Variants in DNAH14 observed in about 807,000 individuals in gnomAD.
DNAH14 encodes axonemal beta dynein heavy chain 14.
DNAH14 carries 478 observed loss-of-function variants against 520.9 expected under a neutral mutation model. The observed-to-expected ratio is 0.92, with a 90% CI of 0.85 to 0.99. The LOEUF (loss-of-function observed/expected upper bound fraction) is 0.99, where lower values mean the gene tolerates loss of function less well. DNAH14 is among the 50% of genes least tolerant of loss of function. DNAH14 has a pLI of 0.00. For missense variants in DNAH14, 4,831 were observed against 5,234.5 expected, an observed-to-expected ratio of 0.92 and a Z score of 2.38; for synonymous variants, 1,581 against 1,757.2, an observed-to-expected ratio of 0.90 and a Z score of 2.51.
Position 225,007,456 on chromosome 1 carries a change from A to C in DNAH14, c.1019A>C (p.Glu340Ala), listed in dbSNP as rs1184772372. 6.5e-7 allele frequency: 1 copy of C among 1,541,448 alleles called. No individual in the cohort carries two copies. The highest frequency in any genetic ancestry group is 8.8e-7 in the Non-Finnish European group (1 of 1,141,184). Reference sequence around the variant, plus strand: ...TATTCTCTAGATGAATTTTGTGAAGAGCAGTTACAGCAAGCTACCCAGGCA... The same window carrying C: ...TATTCTCTAGATGAATTTTGTGAAGCGCAGTTACAGCAAGCTACCCAGGCA... ...RTYSLDEFCE[E>A]QLQQATQALK... Residue 340 changes from glutamate to alanine, a missense_variant, in exon 10 of 86, where the codon GAG (glutamate) becomes GCG (alanine). Physicochemically the swap from Glu to Ala is moderately radical, Grantham distance 107. Transcript: ENST00000682510.
chr1:225,353,937 T>A (rs2095401158), intron 73 of DNAH14, 49 bp downstream of exon 73: 1 of 1,080,880 alleles, frequency 9.3e-7, no homozygotes. Context: ...TTTTGAGTGC[T>A]TTATTAGTAA....
chr1:225,365,388 G>A (rs1371799296), intron 76 of DNAH14, among the ~76,000 whole-genome samples: 1 of 152,168 alleles, frequency 6.6e-6, no homozygotes, highest in African/African-American at 2.4e-5. Context: ...ACCAAAAGGT[G>A]GGGTCCTAAC....
At chr1:225,164,675 T>A (rs1427767947) in intron 35 of DNAH14, among the ~76,000 whole-genome samples, 1 of 152,188 alleles carries the variant, frequency 6.6e-6, no homozygotes, top group Non-Finnish European at 1.5e-5. Flanking sequence ...AGCTGATGCC[T>A]CTTTTAGCTG....
At chr1:224,941,921 A>G (rs1214907226) in intron 1 of DNAH14, among the ~76,000 whole-genome samples, 1 of 152,180 alleles carries the variant, frequency 6.6e-6, no homozygotes, top group Admixed American at 6.5e-5. Context: ...GCCTTGTAGT[A>G]TAGTTTGAAG....
At chr1:225,389,033 C>T (rs1400830225) in intron 82 of DNAH14, among the ~76,000 whole-genome samples, 2 of 152,232 alleles carry the variant, frequency 1.3e-5, no homozygotes, top group Non-Finnish European at 2.9e-5. Flanking sequence ...GCAGGGATTA[C>T]AGGCATGAGC....
chr1:225,303,175 A>G lies in DNAH14; in HGVS notation c.8651A>G (p.His2884Arg). ...FFQKRIYKNL[H>R]IFVIMSPEGP... Reference sequence around the variant, plus strand: ...TTTCAGAGAATATATAAAAATCTTCATATTTTTGTGATCATGAGTCCTGAA... The same window carrying G: ...TTTCAGAGAATATATAAAAATCTTCGTATTTTTGTGATCATGAGTCCTGAA... Residue 2884 changes from histidine (H) to arginine (R), a missense_variant, in exon 57 of 86, where the codon CAT (histidine) becomes CGT (arginine). Coordinates refer to ENST00000682510, the MANE Select transcript of DNAH14 (RefSeq NM_001367479.1). The G allele has an allele frequency of 1.3e-6, 2 of 1,495,700 alleles. No homozygotes were observed. The highest frequency in any genetic ancestry group is 2.5e-5 in the East Asian group (1 of 40,348). 92.7% of individuals were successfully genotyped at this position (1,495,700 alleles called of 1,614,324 possible).
chr1:225,206,882 GGTGAA>G, intron 40 of DNAH14, 81 bp from the exon 41 acceptor site: 1 of 1,169,806 alleles, frequency 8.5e-7, no homozygotes, highest in Non-Finnish European at 1.1e-6. Flanking sequence ...AGAGGGCAGT[GGTGAA>G]GTAAAAAGAG....
intron 8 of DNAH14, among the ~76,000 whole-genome samples, chr1:224,979,252 T>C (rs1359132380): frequency 6.6e-6 from 1 of 152,194 alleles, no homozygotes; most frequent in African/African-American, 2.4e-5. Flanking sequence ...CAGTCTTGAA[T>C]CACTGATGGC....
intron 66 of DNAH14, among the ~76,000 whole-genome samples, chr1:225,335,551 A>G (rs201999977): frequency 9.7e-6 from 1 of 102,836 alleles, no homozygotes; most frequent in East Asian, 3.4e-4. Context: ...ATACGTATAT[A>G]CATATGTACA....
At chr1:225,118,900 A>AAG (rs1553459107) in intron 25 of DNAH14, among the ~76,000 whole-genome samples, 1 of 151,676 alleles carries the variant, frequency 6.6e-6, no homozygotes, top group African/African-American at 2.4e-5. Context: ...AAAAAAAAAA[A>AAG]AAAAGAAAAG....
At chr1:225,096,839 C>T (rs952476617) in intron 21 of DNAH14, among the ~76,000 whole-genome samples, 5 of 152,070 alleles carry the variant, frequency 3.3e-5, no homozygotes, top group Non-Finnish European at 7.4e-5. Context: ...GCTAGACATT[C>T]ATGTTAATTT....
At chr1:225,389,558 C>A (rs1212716766) in intron 82 of DNAH14, among the ~76,000 whole-genome samples, 176 bp from the exon 83 acceptor site, 1 of 152,224 alleles carries the variant, frequency 6.6e-6, no homozygotes, top group Admixed American at 6.5e-5. Context: ...GTCCCCTTTT[C>A]CCTCATGAGC....
chr1:225,323,844 TCTCA>T (rs532558423), intron 62 of DNAH14, among the ~76,000 whole-genome samples: 7 of 151,796 alleles, frequency 4.6e-5, no homozygotes, highest in African/African-American at 1.7e-4. Context: ...TTAGACAGAG[TCTCA>T]CTCTGTGCAC....
chr1:225,331,628 A>G lies in DNAH14; in HGVS notation c.9864+51A>G, dbSNP rs2094800666. The G allele has an allele frequency of 1.9e-6, 3 of 1,548,484 alleles. No individual in the cohort carries two copies. In the Admixed American group the frequency reaches 5.9e-5, roughly 31 times the overall value. Reference sequence around the variant, plus strand: ...TCGTCCATAATTCCTACTGGGCCCAACAACCCCCAAGATGTTATTTTCACT... The same window carrying G: ...TCGTCCATAATTCCTACTGGGCCCAGCAACCCCCAAGATGTTATTTTCACT... On this transcript the variant is annotated intron_variant, in intron 65 of 85. Coordinates refer to ENST00000682510, the MANE Select transcript of DNAH14 (RefSeq NM_001367479.1).
intron 10 of DNAH14, among the ~76,000 whole-genome samples, chr1:225,020,508 A>C (rs2065589476): frequency 6.7e-6 from 1 of 148,912 alleles, no homozygotes; most frequent in East Asian, 1.9e-4. Context: ...AAAAAAAAAA[A>C]AAAAAAAACA....
At chr1:224,968,376 G>A (rs74149426) in intron 6 of DNAH14, among the ~76,000 whole-genome samples, 6,152 of 152,168 alleles carry the variant, frequency 0.04, 365 homozygotes, top group African/African-American at 0.13. Flanking sequence ...TATGTGGGTG[G>A]TGAGATTATA....
chr1:225,271,604 G>A (rs2093317077), intron 50 of DNAH14, among the ~76,000 whole-genome samples: 1 of 152,076 alleles, frequency 6.6e-6, no homozygotes, highest in Non-Finnish European at 1.5e-5. Context: ...GGAGATGAAA[G>A]AATTCCCAGC....
At chr1:225,040,726 A>G (rs2067402806) in intron 12 of DNAH14, among the ~76,000 whole-genome samples, 1 of 152,132 alleles carries the variant, frequency 6.6e-6, no homozygotes, top group South Asian at 2.1e-4. Flanking sequence ...TTCTTTATTT[A>G]CTGCTAAGGA....
At chr1:225,038,892 A>G (rs2148182418) in intron 12 of DNAH14, 69 bp downstream of exon 12, 1 of 1,328,164 alleles carries the variant, frequency 7.5e-7, no homozygotes, top group East Asian at 2.8e-5. Context: ...TAAAATTTAA[A>G]ATGTGATTTA....
Sources: gnomAD v4.1 joint callset for allele counts (sites outside exome capture counted in the v4.1 genomes callset) on GRCh38, gnomAD v4.1.1 for gene constraint, MANE v1.5 for transcripts, NCBI Gene and HGNC (gene_info 2026-07-23, HGNC 2026-07-21) for gene names.